RGL1: variants seen among roughly 807,000 people sequenced by gnomAD.
The protein encoded by RGL1 is ral guanine nucleotide dissociation stimulator-like 1.
RGL1 carries 24 observed loss-of-function variants against 95.2 expected under a neutral mutation model. The observed-to-expected ratio is 0.25, with a 90% CI of 0.18 to 0.35. RGL1 has a LOEUF of 0.35. RGL1 is among the 10% of genes least tolerant of loss of function. The pLI, the probability that RGL1 is intolerant of heterozygous loss-of-function variation, is 1.00. For missense variants in RGL1, 715 were observed against 936.3 expected (o/e 0.76, Z 3.08); for synonymous variants, 329 against 344.9 (o/e 0.95, Z 0.51).
intron 6 of RGL1, among the ~76,000 whole-genome samples, chr1:183,884,460 C>T (rs1277671034): frequency 2.0e-5 from 3 of 152,226 alleles, no homozygotes; most frequent in East Asian, 3.9e-4. Context: ...GAGGAGTTAT[C>T]GTGGTGGCTT....
Position 183,866,037 on chromosome 1 carries a change from G to A in RGL1, c.389G>A (p.Ser130Asn), listed in dbSNP as rs1665813659. The change falls in exon 4 of 18, where the codon AGC (serine) becomes AAC (asparagine). Residue 130 changes from serine to asparagine, a missense_variant. By Grantham distance (46) the Ser-to-Asn change is conservative (BLOSUM62 1). This residue lies in a region of RGL1 where 381 missense variants were observed against 484.8 expected (regional missense o/e 0.79). Coordinates refer to ENST00000360851, the MANE Select transcript of RGL1 (RefSeq NM_001297671.3). ...LTSPNCEEDG[S>N]QSSSESKMVI... Reference sequence around the variant, plus strand: ...AGCCCAAACTGTGAAGAAGATGGAAGCCAAAGTTCATCAGAGTCCAAAATG... The same window carrying A: ...AGCCCAAACTGTGAAGAAGATGGAAACCAAAGTTCATCAGAGTCCAAAATG... 6.2e-7 allele frequency: 1 copy of A among 1,613,864 alleles called. No homozygotes were observed. The highest frequency in any genetic ancestry group is 1.3e-5 in the African/African-American group (1 of 74,924).
At chr1:183,689,327 T>A (rs1653801822) in intron 1 of RGL1, among the ~76,000 whole-genome samples, 1 of 152,248 alleles carries the variant, frequency 6.6e-6, no homozygotes, top group Non-Finnish European at 1.5e-5. Context: ...ATGCCAGGGC[T>A]GACCAGGGAA....
At chr1:183,662,783 G>C (rs1651737707) in intron 1 of RGL1, among the ~76,000 whole-genome samples, 1 of 152,158 alleles carries the variant, frequency 6.6e-6, no homozygotes. Context: ...AACAAAGCTG[G>C]AGGCATCACG....
intron 17 of RGL1, among the ~76,000 whole-genome samples, chr1:183,923,380 C>A (rs1351997595): frequency 6.6e-6 from 1 of 152,186 alleles, no homozygotes; most frequent in African/African-American, 2.4e-5. Flanking sequence ...TGGAAGATTT[C>A]TCATTCATTC....
At chr1:183,893,348 C>G (rs1257863850) in intron 9 of RGL1, among the ~76,000 whole-genome samples, 5 of 152,168 alleles carry the variant, frequency 3.3e-5, no homozygotes, top group Non-Finnish European at 5.9e-5. Flanking sequence ...AGTATTTGGT[C>G]TGTTGACTTC....
At chr1:183,670,779 T>G (rs1652389704) in intron 1 of RGL1, among the ~76,000 whole-genome samples, 1 of 152,232 alleles carries the variant, frequency 6.6e-6, no homozygotes, top group South Asian at 2.1e-4. Context: ...TCCAAGCTCC[T>G]TACATGCTGA....
chr1:183,849,466 G>A (rs1430964206), intron 3 of RGL1, among the ~76,000 whole-genome samples: 1 of 132,156 alleles, frequency 7.6e-6, no homozygotes, highest in Non-Finnish European at 1.6e-5. Flanking sequence ...AGACATTTAA[G>A]TTTTCTCCAG....
At chr1:183,799,051 C>T (rs532180351) in intron 2 of RGL1, among the ~76,000 whole-genome samples, 2 of 151,792 alleles carry the variant, frequency 1.3e-5, no homozygotes, top group African/African-American at 4.8e-5. Flanking sequence ...TACAGGCGCC[C>T]GCCACCATGC....
At chr1:183,647,000 G>C (rs1349582034) in intron 1 of RGL1, 1 of 152,206 alleles carries the variant, frequency 6.6e-6, no homozygotes, top group African/African-American at 2.4e-5. Flanking sequence ...ATTTTATACA[G>C]TATGTGATGA....
rs368958338 is a variant in RGL1, at chr1:183,654,691, G to A, written c.-33+18190G>A. Among the ~76,000 whole-genome samples, 19 of 152,292 alleles carry A rather than the reference G, an allele frequency of 1.2e-4. No individual in the cohort carries two copies. In the East Asian group the frequency reaches 3.5e-3, roughly 28 times the overall value. ...ATGTGCACTGTGCACCTTCCATGGT[G>A]GATTAGATGCTCAGCAAATGATATA... On this transcript the variant is annotated intron_variant, in intron 1 of 18. Coordinates refer to the RGL1 transcript ENST00000304685.
At chr1:183,773,533 C>G (rs1659417478) in intron 2 of RGL1, among the ~76,000 whole-genome samples, 1 of 152,154 alleles carries the variant, frequency 6.6e-6, no homozygotes, top group South Asian at 2.1e-4. Flanking sequence ...AGAGCAGACC[C>G]AAGGCTCAGA....
At chr1:183,760,946 A>G (rs1658634902) in intron 2 of RGL1, among the ~76,000 whole-genome samples, 1 of 152,202 alleles carries the variant, frequency 6.6e-6, no homozygotes, top group Admixed American at 6.5e-5. Context: ...TGTCCATTCA[A>G]GCTTACTGTG....
At chr1:183,792,759 T>A (rs542318537) in intron 2 of RGL1, among the ~76,000 whole-genome samples, 3 of 152,158 alleles carry the variant, frequency 2.0e-5, no homozygotes, top group African/African-American at 7.2e-5. Flanking sequence ...GTGAAAGATC[T>A]CTGCAATGAA....
At chr1:183,925,909 AT>A (rs1419368200) in intron 17 of RGL1, among the ~76,000 whole-genome samples, 195 bp from the exon 18 acceptor site, 10 of 152,052 alleles carry the variant, frequency 6.6e-5, no homozygotes, top group African/African-American at 2.4e-4. Context: ...ATTTGTACTA[AT>A]TTTTTAAATT....
chr1:183,860,278 A>G (rs1218941683), intron 3 of RGL1, among the ~76,000 whole-genome samples: 2 of 152,152 alleles, frequency 1.3e-5, no homozygotes, highest in African/African-American at 4.8e-5. Flanking sequence ...TTCTTGGTAG[A>G]AGAGGGTGTG....
Position 183,777,109 on chromosome 1 carries a change from C to T in RGL1, c.133-29266C>T, listed in dbSNP as rs189231683. Among the ~76,000 whole-genome samples, 67 of 152,306 alleles carry T rather than the reference C, an allele frequency of 4.4e-4. 1 individual carries two copies. The highest frequency in any genetic ancestry group is 2.1e-3 in the Admixed American group (32 of 15,302). On this transcript the variant is annotated intron_variant, in intron 2 of 18. Transcript: ENST00000304685. Reference sequence around the variant, plus strand: ...GCCAAAGTGTATCAGTTCTGCCTACCATCAGCAGAAGATATTAGCAGTGGT... The same window carrying T: ...GCCAAAGTGTATCAGTTCTGCCTACTATCAGCAGAAGATATTAGCAGTGGT...
chr1:183,828,419 C>G (rs1466309370), intron 2 of RGL1, among the ~76,000 whole-genome samples: 1 of 152,118 alleles, frequency 6.6e-6, no homozygotes, highest in Non-Finnish European at 1.5e-5. Context: ...GTCTTAACTA[C>G]TTGGCATGTG....
chr1:183,664,573 CTTT>C (rs5779182), intron 1 of RGL1, among the ~76,000 whole-genome samples: 6 of 146,650 alleles, frequency 4.1e-5, no homozygotes, highest in Non-Finnish European at 4.5e-5. Flanking sequence ...AGAGGGCATA[CTTT>C]TTTTTTTTTT....
intron 2 of RGL1, among the ~76,000 whole-genome samples, chr1:183,761,605 GGTGA>G (rs1337559206): frequency 6.6e-6 from 1 of 152,130 alleles, no homozygotes; most frequent in African/African-American, 2.4e-5. Context: ...TTTTCAGAAT[GGTGA>G]GTATTTGCTT....
Sources: gnomAD v4.1 joint callset for allele counts (sites outside exome capture counted in the v4.1 genomes callset) on GRCh38, gnomAD v4.1.1 for gene constraint, gnomAD v4.1.1 regional missense constraint, MANE v1.5 for transcripts, NCBI Gene and HGNC (gene_info 2026-07-23, HGNC 2026-07-21) for gene names.